Variants in COLEC10 observed in about 807,000 individuals in gnomAD.
COLEC10 encodes collectin subfamily member 10, also known as collectin-10.
In COLEC10, 22 loss-of-function variants were observed where a neutral mutation model predicts 28.4. That is an observed-to-expected ratio of 0.78 (90% CI 0.55 to 1.11). The LOEUF is 1.11. COLEC10 is among the 50% of genes least tolerant of loss of function. COLEC10 has a pLI of 0.00. For synonymous variants in COLEC10, 125 were observed against 116.1 expected, an observed-to-expected ratio of 1.08 and a Z score of -0.49; for missense variants, 361 against 344.1, an observed-to-expected ratio of 1.05 and a Z score of -0.39.
chr8:118,973,383 G>C, the COLEC10 span, among the ~76,000 whole-genome samples: 1 of 151,930 alleles, frequency 6.6e-6, no homozygotes, highest in Non-Finnish European at 1.5e-5. Flanking sequence ...CTGAAGGCAT[G>C]ACTGGGGAAA....
intron 2 of COLEC10, among the ~76,000 whole-genome samples, chr8:119,032,147 G>A (rs80331467): frequency 0.014 from 2,191 of 152,286 alleles, 23 homozygotes; most frequent in Non-Finnish European, 0.019. Context: ...GGAAATCCGT[G>A]AATCTGGTTT....
chr8:119,020,546 C>T (rs1057172261), intron 2 of COLEC10, among the ~76,000 whole-genome samples: 1 of 152,122 alleles, frequency 6.6e-6, no homozygotes, highest in African/African-American at 2.4e-5. Context: ...GATTAAGAGT[C>T]AAGCTTAGTA....
intron 2 of COLEC10, among the ~76,000 whole-genome samples, chr8:119,046,346 T>G (rs1004308532): frequency 1.3e-5 from 2 of 152,208 alleles, no homozygotes; most frequent in African/African-American, 4.8e-5. Flanking sequence ...TCACTCATCT[T>G]TGTTTAGAAT....
chr8:119,089,679 G>T lies in COLEC10; in HGVS notation c.149-1G>T. Reference sequence around the variant, plus strand: ...CTCTATCTCATTTTCTGTTTCAAAAGGAGATGATGGTGAAAAAGGAGATCC... The same window carrying T: ...CTCTATCTCATTTTCTGTTTCAAAATGAGATGATGGTGAAAAAGGAGATCC... On this transcript the variant is annotated splice_acceptor_variant, in intron 1 of 5. Transcript: ENST00000332843. LOFTEE classifies it high-confidence loss of function. The T allele has an allele frequency of 6.2e-7, 1 of 1,611,958 alleles. No individual in the cohort carries two copies. The highest frequency in any genetic ancestry group is 8.5e-7 in the Non-Finnish European group (1 of 1,178,276).
chr8:119,034,404 C>T (rs1157711086), intron 2 of COLEC10, among the ~76,000 whole-genome samples: 1 of 148,506 alleles, frequency 6.7e-6, no homozygotes, highest in Non-Finnish European at 1.5e-5. Context: ...TATCCCAGAA[C>T]TTACAGTATT....
At chr8:119,042,209 G>A (rs1322985963) in intron 2 of COLEC10, among the ~76,000 whole-genome samples, 1 of 151,802 alleles carries the variant, frequency 6.6e-6, no homozygotes, top group East Asian at 1.9e-4. Context: ...TGTTGGCCAG[G>A]CTGGTCTCGA....
chr8:119,093,247 G>A (rs556230870), intron 3 of COLEC10, among the ~76,000 whole-genome samples: 36 of 152,328 alleles, frequency 2.4e-4, no homozygotes, highest in African/African-American at 8.4e-4. Flanking sequence ...AGCTTAGGCT[G>A]TGGCCTCTCT....
intron 1 of COLEC10, among the ~76,000 whole-genome samples, chr8:119,070,442 C>CTCTCTCTCTCTCTCT (rs1815080428): frequency 7.7e-6 from 1 of 130,338 alleles, no homozygotes; most frequent in African/African-American, 3.1e-5. Context: ...AAATGTTCTC[C>CTCTCTCTCTCTCTCT]CTCGCTCTCT....
intron 1 of COLEC10, among the ~76,000 whole-genome samples, chr8:119,085,519 C>T (rs992473851): frequency 6.6e-6 from 1 of 150,592 alleles, no homozygotes; most frequent in Admixed American, 6.6e-5. Flanking sequence ...GGCAGGAGTT[C>T]TTGCCTTGTT....
chr8:118,993,118 G>A (rs989799612), upstream of COLEC10, among the ~76,000 whole-genome samples: 1 of 152,124 alleles, frequency 6.6e-6, no homozygotes, highest in Non-Finnish European at 1.5e-5. Flanking sequence ...TACTAGAATT[G>A]TTTATAAGAG....
At chr8:119,054,835 A>G (rs560510660) in intron 2 of COLEC10, among the ~76,000 whole-genome samples, 2 of 152,136 alleles carry the variant, frequency 1.3e-5, no homozygotes, top group African/African-American at 4.8e-5. Flanking sequence ...AATTATGTGT[A>G]TAAAAGACTG....
chr8:118,989,503 C>G, the COLEC10 span, among the ~76,000 whole-genome samples: 2 of 146,284 alleles, frequency 1.4e-5, no homozygotes, highest in African/African-American at 5.1e-5. Context: ...TAGAGAACAC[C>G]AAGCAGGATT....
chr8:119,042,205 C>T (rs1814511859), intron 2 of COLEC10, among the ~76,000 whole-genome samples: 2 of 151,590 alleles, frequency 1.3e-5, no homozygotes, highest in African/African-American at 4.9e-5. Flanking sequence ...ACCATGTTGG[C>T]CAGGCTGGTC....
Position 119,035,919 on chromosome 8 carries a change from G to A in COLEC10, n.235+26366G>A, listed in dbSNP as rs564214349. Among the ~76,000 whole-genome samples, 58 of 152,124 alleles carry A rather than the reference G, an allele frequency of 3.8e-4. No individual in the cohort carries two copies. In the South Asian group the frequency reaches 0.012, roughly 30 times the overall value. ...AGTTTCTCAAGTTATGCTGTTTAAG[G>A]TACCAGTGTTGTTTCTTATATTTGT... On this transcript the variant is annotated intron_variant and non_coding_transcript_variant, in intron 2 of 6. Coordinates refer to the COLEC10 transcript ENST00000521788.
chr8:119,016,204 G>T (rs1277970429), intron 2 of COLEC10, among the ~76,000 whole-genome samples: 5 of 151,826 alleles, frequency 3.3e-5, no homozygotes, highest in Non-Finnish European at 7.4e-5. Flanking sequence ...ACAGGCCCCA[G>T]TGTGTGATAT....
At chr8:119,093,301 A>G (rs989912509) in intron 3 of COLEC10, among the ~76,000 whole-genome samples, 29 of 152,186 alleles carry the variant, frequency 1.9e-4, no homozygotes, top group Middle Eastern at 3.4e-3. Context: ...TCCACTTTCC[A>G]ACTCACTCAT....
chr8:118,986,805 G>T, the COLEC10 span, among the ~76,000 whole-genome samples: 3 of 152,126 alleles, frequency 2.0e-5, no homozygotes, highest in Non-Finnish European at 4.4e-5. Context: ...CATACATATT[G>T]TATGATTCAA....
upstream of COLEC10, among the ~76,000 whole-genome samples, chr8:118,992,649 A>G (rs1026730522): frequency 5.3e-5 from 8 of 152,284 alleles, no homozygotes; most frequent in African/African-American, 1.9e-4. Flanking sequence ...TGGGTGAAGA[A>G]AACACCGTAG....
At chr8:119,080,676 C>G (rs1223872727) in intron 1 of COLEC10, among the ~76,000 whole-genome samples, 1 of 151,928 alleles carries the variant, frequency 6.6e-6, no homozygotes, top group Non-Finnish European at 1.5e-5. Flanking sequence ...AACATGTAAC[C>G]TATGTAAGGA....
Sources: gnomAD v4.1 joint callset for allele counts (sites outside exome capture counted in the v4.1 genomes callset) on GRCh38, gnomAD v4.1.1 for gene constraint, MANE v1.5 for transcripts, NCBI Gene and HGNC (gene_info 2026-07-23, HGNC 2026-07-21) for gene names.